The following ADGRG2 variants were observed in gnomAD, a reference collection of about 807,000 sequenced individuals.
ADGRG2 encodes the protein G protein-coupled receptor 64.
Under a neutral mutation model 74.1 loss-of-function variants are expected in ADGRG2, and 26 were observed. The ratio of observed to expected loss-of-function variants is 0.35; its 90% CI spans 0.26 to 0.49. ADGRG2 has a LOEUF of 0.49. ADGRG2 is among the 20% of genes least tolerant of loss of function. ADGRG2 has a pLI of 0.99. For synonymous variants in ADGRG2, 296 were observed against 295.2 expected (o/e 1.00, Z -0.03); for missense variants, 619 against 763.1 (o/e 0.81, Z 2.22).
chrX:19,047,663 T>C (rs1238217681), intron 3 of ADGRG2, among the ~76,000 whole-genome samples: 1 of 111,634 alleles, frequency 9.0e-6, no homozygotes, highest in East Asian at 2.8e-4. Context: ...CTCCTCTGGA[T>C]TGAATTACTG....
Position 19,117,716 on chromosome X carries a change from C to T in ADGRG2, c.-47+4726G>A, listed in dbSNP as rs141289559. 4.9e-3 allele frequency among the ~76,000 whole-genome samples: 538 copies of T among 110,906 alleles called. 5 individuals are homozygous for T. The highest frequency in any genetic ancestry group is 0.016 in the African/African-American group (504 of 30,568). On this transcript the variant is annotated intron_variant, in intron 1 of 28. Coordinates refer to ENST00000379869, the MANE Select transcript of ADGRG2 (RefSeq NM_001079858.3). ...GCCATAGTCCCAGCTACTCAGGAGG[C>T]TGAGGCAGGAGAATCACCTGAACCC...
intron 2 of ADGRG2, among the ~76,000 whole-genome samples, chrX:19,079,944 C>G (rs921352029): frequency 4.9e-5 from 5 of 102,863 alleles, no homozygotes; most frequent in Admixed American, 1.1e-4. Flanking sequence ...GAGTTTTGCT[C>G]TTGTCACCCA....
chrX:19,027,293 C>T lies in ADGRG2; in HGVS notation c.415-19G>A. On this transcript the variant is annotated intron_variant, in intron 10 of 28. Coordinates refer to ENST00000379869, the MANE Select transcript of ADGRG2 (RefSeq NM_001079858.3). Reference sequence around the variant, plus strand: ...GTTGATTCTGTTAGAAGCATAAAATCATTAAGAATATAACAAACATTGTTT... The same window carrying T: ...GTTGATTCTGTTAGAAGCATAAAATTATTAAGAATATAACAAACATTGTTT... 1 of 997,544 alleles carries T rather than the reference C, an allele frequency of 1.0e-6. No individual in the cohort carries two copies. Among genetic ancestry groups the T allele is most frequent in the Non-Finnish European group, 1.4e-6 (1 of 700,925 alleles). 82.2% of individuals were successfully genotyped at this position (997,544 alleles called of 1,213,427 possible). A position where few individuals can be genotyped will look rare whatever the true frequency, so the allele number is the denominator to read the frequency against.
At chrX:19,011,472 A>T (rs138277061) in intron 16 of ADGRG2, among the ~76,000 whole-genome samples, 1,306 of 112,485 alleles carry the variant, frequency 0.012, 20 homozygotes, top group African/African-American at 0.039. Flanking sequence ...ATATAAGCAC[A>T]AGTATACTTG....
At chrX:19,100,795 T>C (rs2062174141) in intron 1 of ADGRG2, among the ~76,000 whole-genome samples, 1 of 112,885 alleles carries the variant, frequency 8.9e-6, no homozygotes, top group Non-Finnish European at 1.9e-5. Context: ...GAGTTGGACA[T>C]ACTATTGGGA....
chrX:19,101,654 T>C (rs1187349454), intron 1 of ADGRG2, among the ~76,000 whole-genome samples: 1 of 109,195 alleles, frequency 9.2e-6, no homozygotes, highest in East Asian at 2.9e-4. Context: ...TGAGCTGGGA[T>C]GGAGCTACTG....
chrX:19,023,007 C>A (rs2060625471), intron 13 of ADGRG2, among the ~76,000 whole-genome samples: 1 of 112,223 alleles, frequency 8.9e-6, no homozygotes, highest in Admixed American at 9.4e-5. Context: ...ATGTTCTTTT[C>A]TCTTTCTTTC....
intron 2 of ADGRG2, among the ~76,000 whole-genome samples, chrX:19,081,494 C>T (rs1354348823): frequency 1.8e-5 from 2 of 111,565 alleles, no homozygotes; most frequent in African/African-American, 6.5e-5. Flanking sequence ...GGGCCCACCC[C>T]TCGCCAGGAT....
Position 19,010,923 on chromosome X carries a change from G to C in ADGRG2, c.1100-145C>G, listed in dbSNP as rs550412893. On this transcript the variant is annotated intron_variant, in intron 16 of 28. Transcript: ENST00000379869. ...ACAAACATATGTCTTAGGAAGACTT[G>C]TTCATGAATGTTTATAGTGGCCTTT... The C allele has an allele frequency of 1.3e-5, 5 of 382,031 alleles. No homozygotes were observed. The South Asian group carries it at 3.6e-4, about 27-fold the overall frequency. The allele number at this position is 382,031 out of a possible 1,213,427, so 31.5% of individuals were successfully genotyped here.
At chrX:19,049,659 G>A (rs1259104604) in intron 3 of ADGRG2, among the ~76,000 whole-genome samples, 1 of 108,955 alleles carries the variant, frequency 9.2e-6, no homozygotes, top group Non-Finnish European at 1.9e-5. Context: ...CAGCTATCAT[G>A]TTAGTGTATT....
intron 3 of ADGRG2, among the ~76,000 whole-genome samples, chrX:19,056,366 C>T (rs888816953): frequency 8.9e-6 from 1 of 111,748 alleles, no homozygotes; most frequent in Non-Finnish European, 1.9e-5. Flanking sequence ...TCAGCATGAA[C>T]CCGAGGAGGA....
At chrX:19,088,268 A>G (rs2061964035) in intron 1 of ADGRG2, among the ~76,000 whole-genome samples, 1 of 112,023 alleles carries the variant, frequency 8.9e-6, no homozygotes. Context: ...TATTCACACA[A>G]AGTTCACCAG....
chrX:19,024,929 C>T (rs2060668004), intron 11 of ADGRG2, among the ~76,000 whole-genome samples: 1 of 112,035 alleles, frequency 8.9e-6, no homozygotes, highest in Non-Finnish European at 1.9e-5. Flanking sequence ...ACTATAGGCA[C>T]ATACCATCAT....
In ADGRG2 at chrX:18,999,225, A is replaced by G; in HGVS notation, c.2385T>C (p.Cys795=). Residue 795 remains cysteine, a synonymous_variant, in exon 26 of 29, where the codon TGT becomes TGC. Transcript: ENST00000379869. Reference sequence around the variant, plus strand: ...TGCTGACGTTCAGCAAAAATATCACACAGAAATATCCCACCACCGTAATGT... The same window carrying G: ...TGCTGACGTTCAGCAAAAATATCACGCAGAAATATCCCACCACCGTAATGT... The part of the protein sequence containing the change: ...VFYITVVGYF[C]VIFLLNVSMF... 2.5e-6 allele frequency: 3 copies of G among 1,207,031 alleles called. No individual in the cohort carries two copies. Among genetic ancestry groups the G allele is most frequent in the Non-Finnish European group, 3.4e-6 (3 of 891,782 alleles).
chrX:19,049,648 T>C (rs908491332), intron 3 of ADGRG2, among the ~76,000 whole-genome samples: 5 of 109,280 alleles, frequency 4.6e-5, no homozygotes, highest in Non-Finnish European at 1.9e-5. Context: ...TTTTAGCTCA[T>C]CAGCTATCAT....
At chrX:19,000,837 C>T (rs775693839) in intron 24 of ADGRG2, among the ~76,000 whole-genome samples, 10 of 104,825 alleles carry the variant, frequency 9.5e-5, no homozygotes, top group Admixed American at 2.1e-4. Context: ...CGGGTTCAAG[C>T]GATTCTTGTG....
intron 1 of ADGRG2, among the ~76,000 whole-genome samples, chrX:19,094,746 C>A (rs1322300153): frequency 8.9e-6 from 1 of 112,678 alleles, no homozygotes; most frequent in Admixed American, 9.3e-5. Context: ...AGTGACTCTG[C>A]CCGGTTCCAC....
intron 15 of ADGRG2, among the ~76,000 whole-genome samples, chrX:19,016,648 A>C (rs2060476531): frequency 9.7e-6 from 1 of 103,402 alleles, no homozygotes; most frequent in Non-Finnish European, 2.0e-5. Flanking sequence ...GCACCCACTA[A>C]CTCGTCATCT....
intron 23 of ADGRG2, among the ~76,000 whole-genome samples, chrX:19,003,467 G>A (rs750330128): frequency 8.9e-6 from 1 of 111,784 alleles, no homozygotes; most frequent in South Asian, 3.7e-4. Context: ...CAACCCTTAT[G>A]TAAGCATATC....
Sources: allele counts gnomAD v4.1 joint callset (sites outside exome capture counted in the v4.1 genomes callset), GRCh38; gene constraint gnomAD v4.1.1; transcripts MANE v1.5; gene names NCBI Gene and HGNC (gene_info 2026-07-23, HGNC 2026-07-21).